Variants in RASEF observed in about 807,000 individuals in gnomAD.
RASEF encodes the protein ras and EF-hand domain-containing protein.
RASEF carries 68 observed loss-of-function variants against 90.1 expected under a neutral mutation model. The ratio of observed to expected loss-of-function variants is 0.75; its 90% confidence interval spans 0.62 to 0.92. The LOEUF (loss-of-function observed/expected upper bound fraction) is 0.92, where lower values mean the gene tolerates loss of function less well. Among genes scored for constraint, RASEF ranks in the 40% least tolerant of loss-of-function variants. RASEF has a pLI of 0.00. For synonymous variants in RASEF, 331 were observed against 345.2 expected (o/e 0.96, Z 0.46); for missense variants, 949 against 937.2 (o/e 1.01, Z -0.16).
chr9:83,150,622 C>A, the RASEF span, among the ~76,000 whole-genome samples: 1 of 152,064 alleles, frequency 6.6e-6, no homozygotes, highest in Non-Finnish European at 1.5e-5. Context: ...ACTTTAAAAG[C>A]ATTATTTAAC....
chr9:83,023,334 T>C (rs1425211974), intron 2 of RASEF, among the ~76,000 whole-genome samples: 7 of 152,202 alleles, frequency 4.6e-5, no homozygotes, highest in East Asian at 1.9e-4. Context: ...GCACATTGAT[T>C]TGCATCTAAA....
At chr9:83,028,941 C>T (rs1481170765) in intron 1 of RASEF, among the ~76,000 whole-genome samples, 3 of 152,090 alleles carry the variant, frequency 2.0e-5, no homozygotes, top group South Asian at 4.2e-4. Context: ...CATGTAAAGA[C>T]ACAGGAAAAG....
At chr9:83,096,347 A>G in the RASEF span, among the ~76,000 whole-genome samples, 5 of 152,206 alleles carry the variant, frequency 3.3e-5, no homozygotes, top group Non-Finnish European at 7.3e-5. Flanking sequence ...TAAGATTACA[A>G]GAATGATCTA....
intron 3 of RASEF, 111 bp from the exon 4 acceptor site, chr9:83,016,011 C>T: frequency 1.3e-6 from 1 of 754,110 alleles, no homozygotes; most frequent in South Asian, 1.6e-5. Flanking sequence ...TTCAGTTCTC[C>T]TACACAGGGA....
the RASEF span, among the ~76,000 whole-genome samples, chr9:83,166,609 C>T: frequency 6.6e-6 from 1 of 152,184 alleles, no homozygotes; most frequent in Non-Finnish European, 1.5e-5. Context: ...GGACAGAATA[C>T]ATACAACCTC....
At chr9:83,115,631 T>C in the RASEF span, among the ~76,000 whole-genome samples, 46 of 152,286 alleles carry the variant, frequency 3.0e-4, no homozygotes, top group Middle Eastern at 6.8e-3. Flanking sequence ...TTGCCCCCTC[T>C]TCCCCACCAA....
chr9:82,995,897 A>C (rs2118415505), intron 14 of RASEF, among the ~76,000 whole-genome samples: 1 of 152,344 alleles, frequency 6.6e-6, no homozygotes, highest in South Asian at 2.1e-4. Context: ...CTATGCCTCA[A>C]GTTTCTCATA....
chr9:83,048,735 A>C (rs1829978808), intron 1 of RASEF: 1 of 985,118 alleles, frequency 1.0e-6, no homozygotes, highest in African/African-American at 1.7e-5. Context: ...ATACACATTG[A>C]GAAATGAAAC....
chr9:83,129,081 ACT>A, the RASEF span, among the ~76,000 whole-genome samples: 1 of 152,178 alleles, frequency 6.6e-6, no homozygotes, highest in East Asian at 1.9e-4. Context: ...TCTGACATAA[ACT>A]ATATACTCCT....
At chr9:83,000,033 A>T (rs1019037121) in intron 12 of RASEF, 136 bp downstream of exon 12, 2 of 590,140 alleles carry the variant, frequency 3.4e-6, no homozygotes, top group Non-Finnish European at 5.8e-6. Context: ...ACACACACAC[A>T]CACATTTATA....
At chr9:83,166,188 C>T in the RASEF span, among the ~76,000 whole-genome samples, 1 of 152,246 alleles carries the variant, frequency 6.6e-6, no homozygotes, top group Admixed American at 6.5e-5. Context: ...AATAACAAAA[C>T]TAGACAAAGA....
At chr9:83,191,702 A>T in the RASEF span, among the ~76,000 whole-genome samples, 11 of 152,274 alleles carry the variant, frequency 7.2e-5, no homozygotes, top group East Asian at 1.5e-3. Flanking sequence ...GGTTTGAGGG[A>T]TTACCAACTT....
At chr9:82,992,176 AC>A (rs11284100) in intron 15 of RASEF, among the ~76,000 whole-genome samples, 6,226 of 152,294 alleles carry the variant, frequency 0.041, 168 homozygotes, top group African/African-American at 0.073. Flanking sequence ...CCTGGTGCTG[AC>A]GACAGACAAC....
At chr9:83,098,907 C>T in the RASEF span, among the ~76,000 whole-genome samples, 13 of 152,188 alleles carry the variant, frequency 8.5e-5, no homozygotes, top group Admixed American at 5.9e-4. Context: ...ATTCAGGTGG[C>T]GACACAGAGC....
intron 10 of RASEF, 119 bp from the exon 11 acceptor site, chr9:83,000,689 A>G: frequency 2.1e-6 from 2 of 959,422 alleles, no homozygotes; most frequent in Non-Finnish European, 1.5e-6. Context: ...ATCAACAGTC[A>G]ATGCTATTAA....
intron 1 of RASEF, chr9:83,049,127 A>AC (rs1216916098): frequency 1.0e-5 from 2 of 192,154 alleles, no homozygotes; most frequent in Non-Finnish European, 1.9e-5. Context: ...CCGTCTCCAA[A>AC]AAAAAAAAAA....
chr9:83,186,764 T>G, the RASEF span, among the ~76,000 whole-genome samples: 1 of 152,054 alleles, frequency 6.6e-6, no homozygotes. Flanking sequence ...TAAAGAAAAT[T>G]TTTTCTCTAA....
the RASEF span, among the ~76,000 whole-genome samples, chr9:83,151,809 C>CA: frequency 6.6e-6 from 1 of 152,306 alleles, no homozygotes; most frequent in South Asian, 2.1e-4. Context: ...CTACAGACGT[C>CA]AGTCTCTGAC....
chr9:83,066,440 C>G (rs539371311), upstream of RASEF, among the ~76,000 whole-genome samples: 4 of 152,150 alleles, frequency 2.6e-5, no homozygotes, highest in Non-Finnish European at 4.4e-5. Flanking sequence ...GGGAAAGCCA[C>G]GGTCATATAA....
Sources: gnomAD v4.1 joint callset for allele counts (sites outside exome capture counted in the v4.1 genomes callset) on GRCh38, gnomAD v4.1.1 for gene constraint, MANE v1.5 for transcripts, NCBI Gene and HGNC (gene_info 2026-07-23, HGNC 2026-07-21) for gene names.